The following DOCK8 variants were observed in gnomAD, a reference collection of about 807,000 sequenced individuals.
The protein encoded by DOCK8 is dedicator of cytokinesis 8.
Under a neutral mutation model 245.6 loss-of-function variants are expected in DOCK8, and 141 were observed. The ratio of observed to expected loss-of-function variants is 0.57; its 90% CI spans 0.50 to 0.66. The LOEUF is 0.66. Among genes scored for constraint, DOCK8 ranks in the 30% least tolerant of loss-of-function variants. DOCK8 has a pLI of 0.00. For synonymous variants in DOCK8, 1,168 were observed against 970.2 expected, an observed-to-expected ratio of 1.20 and a Z score of -3.79; for missense variants, 2,965 against 2,603.4, an observed-to-expected ratio of 1.14 and a Z score of -3.02.
At chr9:307,360 T>G (rs867658629) in intron 5 of DOCK8, among the ~76,000 whole-genome samples, 5,646 of 86,416 alleles carry the variant, frequency 0.065, 656 homozygotes, top group African/African-American at 0.24. Flanking sequence ...TTTTTTTTTT[T>G]TTTTTTTTTT....
Position 429,704 on chromosome 9 carries a change from T to G in DOCK8, c.4476T>G (p.Phe1492Leu). The change falls in exon 36 of 48, where the codon TTT (phenylalanine) becomes TTG (leucine). Residue 1492 changes from phenylalanine (F) to leucine (L), a missense_variant and splice_region_variant. Transcript: ENST00000432829. ...FATLRALIAK[F>L]GDLLFEEEVE... ...ATGGCCCTTTATGTCTCTCCTAGTT[T>G]GGAGACTTACTCTTTGAAGAGGAGG... 3 of 1,614,230 alleles carry G rather than the reference T, an allele frequency of 1.9e-6. No individual in the cohort carries two copies. The highest frequency in any genetic ancestry group is 2.5e-6 in the Non-Finnish European group (3 of 1,180,034).
intron 21 of DOCK8, chr9:381,103 A>AAAAC (rs112065387): frequency 0.12 from 18,855 of 151,806 alleles, 3,862 homozygotes; most frequent in African/African-American, 0.43. Flanking sequence ...CCCATCTCTT[A>AAAAC]AAACAAACAA....
At chr9:270,810 A>C (rs1050611582) in intron 1 of DOCK8, among the ~76,000 whole-genome samples, 1 of 152,224 alleles carries the variant, frequency 6.6e-6, no homozygotes, top group Non-Finnish European at 1.5e-5. Context: ...TTTTGGCCTC[A>C]TTGTGGTTTA....
At chr9:427,097 A>T (rs761024359) in intron 34 of DOCK8, 116 bp downstream of exon 34, 22 of 877,852 alleles carry the variant, frequency 2.5e-5, no homozygotes, top group Admixed American at 8.3e-5. Flanking sequence ...TACCTTTTTT[A>T]AAAAAATGAA....
intron 46 of DOCK8, among the ~76,000 whole-genome samples, chr9:461,505 T>G (rs1831266): frequency 0.73 from 107,562 of 147,426 alleles, 40,351 homozygotes; most frequent in East Asian, 0.97. Flanking sequence ...TTCCATTGAG[T>G]TTTTTGTCTT....
intron 6 of DOCK8, among the ~76,000 whole-genome samples, chr9:316,754 G>A (rs2050365552): frequency 1.3e-5 from 2 of 152,160 alleles, no homozygotes; most frequent in African/African-American, 2.4e-5. Flanking sequence ...AATGCCATCT[G>A]GTGGATGTTA....
At chr9:400,626 T>C (rs142954518) in intron 26 of DOCK8, among the ~76,000 whole-genome samples, 758 of 4,374 alleles carry the variant, frequency 0.17, no homozygotes, top group Non-Finnish European at 0.2. Flanking sequence ...TCCACCACCA[T>C]CACCACCACC....
At chr9:265,986 CAT>C (rs1401531383) in intron 1 of DOCK8, among the ~76,000 whole-genome samples, 3 of 152,116 alleles carry the variant, frequency 2.0e-5, no homozygotes, top group African/African-American at 7.2e-5. Flanking sequence ...CTTCTAGACA[CAT>C]ATTTTATAAA....
intron 1 of DOCK8, among the ~76,000 whole-genome samples, chr9:249,931 G>A (rs990538124): frequency 2.0e-5 from 3 of 151,998 alleles, no homozygotes; most frequent in African/African-American, 2.4e-5. Context: ...CCTGGCTGAC[G>A]TGCTATTACT....
chr9:285,864 G>C (rs1275805011), intron 2 of DOCK8, among the ~76,000 whole-genome samples: 2 of 152,188 alleles, frequency 1.3e-5, no homozygotes, highest in Non-Finnish European at 2.9e-5. Context: ...ATTTCTTCCA[G>C]ACCAGCACCA....
At chr9:386,138 C>G (rs982909428) in intron 22 of DOCK8, among the ~76,000 whole-genome samples, 193 bp from the exon 23 acceptor site, 1 of 152,132 alleles carries the variant, frequency 6.6e-6, no homozygotes, top group Non-Finnish European at 1.5e-5. Flanking sequence ...GGTGTTGTCT[C>G]AAGAGCAAGT....
In DOCK8 at chr9:429,642, G is replaced by C. The variant is rs113386061; in HGVS notation, c.4474-60G>C. 8 of 1,597,642 alleles carry C rather than the reference G, an allele frequency of 5.0e-6. No individual in the cohort carries two copies. The East Asian group carries it at 8.9e-5, about 18-fold the overall frequency. ...CAAATGGACATTTGCATATTTCAAC[G>C]GTCCAGAAAGTGTATCAAACTGCCA... On this transcript the variant is annotated intron_variant, in intron 35 of 47. Coordinates refer to ENST00000432829, the MANE Select transcript of DOCK8 (RefSeq NM_203447.4).
At chr9:405,177 C>CA (rs762496773) in intron 27 of DOCK8, 104 bp downstream of exon 27, 56 of 1,207,060 alleles carry the variant, frequency 4.6e-5, no homozygotes, top group African/African-American at 3.7e-4. Context: ...ATTAATTTGA[C>CA]AAAAAATCAA....
At chr9:387,578 C>G (rs575151864) in intron 23 of DOCK8, among the ~76,000 whole-genome samples, 4 of 152,220 alleles carry the variant, frequency 2.6e-5, no homozygotes, top group Non-Finnish European at 4.4e-5. Context: ...CCAAGTCTCC[C>G]TTTGGACTGG....
Position 334,356 on chromosome 9 carries a change from G to T in DOCK8, c.1257G>T (p.Arg419Ser). The change falls in exon 11 of 48, where the codon AGG becomes AGT. Residue 419 changes from arginine (R) to serine (S), a missense_variant. Coordinates refer to ENST00000432829, the MANE Select transcript of DOCK8 (RefSeq NM_203447.4). ...SSFFNVSTLE[R>S]EVTDVDSVVG... ...TCTTCAATGTCTCCACCCTTGAGAG[G>T]GAGGTAACTGATGTGGACTCTGTGG... is the stretch of plus-strand genomic sequence containing the variant. The T allele has an allele frequency of 6.2e-7, 1 of 1,614,112 alleles. No individual in the cohort carries two copies. The highest frequency in any genetic ancestry group is 2.2e-5 in the East Asian group (1 of 44,888).
At chr9:278,536 G>T (rs1333181218) in intron 2 of DOCK8, among the ~76,000 whole-genome samples, 1 of 152,174 alleles carries the variant, frequency 6.6e-6, no homozygotes, top group African/African-American at 2.4e-5. Flanking sequence ...AGAAAATGTC[G>T]ATTGTGTCAG....
At chr9:214,698 C>A (rs994931277), upstream of DOCK8, 1 of 1,565,896 alleles carries the variant, frequency 6.4e-7, no homozygotes, top group African/African-American at 1.4e-5. Context: ...GCCGTCTGCC[C>A]CAGTATCGGG....
At chr9:384,829 TG>T (rs1306180921) in intron 22 of DOCK8, among the ~76,000 whole-genome samples, 1 of 152,130 alleles carries the variant, frequency 6.6e-6, no homozygotes, top group African/African-American at 2.4e-5. Context: ...GGCAGGAGAA[TG>T]GCGTGAACCC....
chr9:298,999 C>A (rs969598399), intron 4 of DOCK8, among the ~76,000 whole-genome samples: 8 of 151,454 alleles, frequency 5.3e-5, no homozygotes, highest in African/African-American at 9.7e-5. Context: ...TAGATAAATT[C>A]TTTGGTAATT....
Sources: allele counts gnomAD v4.1 joint callset (sites outside exome capture counted in the v4.1 genomes callset), GRCh38; gene constraint gnomAD v4.1.1; transcripts MANE v1.5; gene names NCBI Gene and HGNC (gene_info 2026-07-23, HGNC 2026-07-21).